Variants in CYP4Z1 observed in about 807,000 individuals in gnomAD.
CYP4Z1 encodes cytochrome P450 family 4 subfamily Z member 1, also known as cytochrome P450 4Z1.
In CYP4Z1, 41 loss-of-function variants were observed where a neutral mutation model predicts 54.2. The observed-to-expected ratio is 0.76, with a 90% CI of 0.59 to 0.98. CYP4Z1 has a LOEUF of 0.98. Among genes scored for constraint, CYP4Z1 ranks in the 50% least tolerant of loss-of-function variants. CYP4Z1 has a pLI of 0.00. For missense variants in CYP4Z1, 513 were observed against 599.0 expected, an observed-to-expected ratio of 0.86 and a Z score of 1.50; for synonymous variants, 163 against 206.2, an observed-to-expected ratio of 0.79 and a Z score of 1.79.
chr1:47,116,285 GATA>G (rs1644829662), intron 10 of CYP4Z1, among the ~76,000 whole-genome samples: 1 of 152,200 alleles, frequency 6.6e-6, no homozygotes, highest in Non-Finnish European at 1.5e-5. Flanking sequence ...AAATAGAAAA[GATA>G]ATAATTTGAT....
Position 47,067,431 on chromosome 1 carries a change from C to A in CYP4Z1, c.-60C>A. On this transcript the variant is annotated 5_prime_UTR_variant, in exon 1 of 12. Transcript: ENST00000334194. Reference sequence around the variant, plus strand: ...GCATCTCCTTTGTGTTTATGAGAGACCTGCATTCTCCCTGGCTCAGTTCTC... The same window carrying A: ...GCATCTCCTTTGTGTTTATGAGAGAACTGCATTCTCCCTGGCTCAGTTCTC... 7.0e-7 allele frequency: 1 copy of A among 1,431,814 alleles called. No homozygotes were observed. Among genetic ancestry groups the A allele is most frequent in the Non-Finnish European group, 9.3e-7 (1 of 1,074,586 alleles). 88.7% of individuals were successfully genotyped at this position (1,431,814 alleles called of 1,614,324 possible).
chr1:47,059,503 G>T, the CYP4Z1 span, among the ~76,000 whole-genome samples: 1 of 152,140 alleles, frequency 6.6e-6, no homozygotes, highest in African/African-American at 2.4e-5. Context: ...TTCATTTCCA[G>T]TTGGACCCAT....
intron 2 of CYP4Z1, among the ~76,000 whole-genome samples, chr1:47,074,307 CCT>C (rs1644503548): frequency 6.7e-6 from 1 of 148,778 alleles, no homozygotes; most frequent in African/African-American, 2.5e-5. Flanking sequence ...CCCTTTCCTT[CCT>C]CCCCCACCCC....
At chr1:47,093,778 G>A (rs1644656738) in intron 6 of CYP4Z1, among the ~76,000 whole-genome samples, 1 of 152,198 alleles carries the variant, frequency 6.6e-6, no homozygotes, top group Admixed American at 6.5e-5. Context: ...GTAGCTTAGA[G>A]CCTAGTTTCC....
chr1:47,068,137 C>T (rs1172752254), intron 1 of CYP4Z1, among the ~76,000 whole-genome samples: 1 of 152,168 alleles, frequency 6.6e-6, no homozygotes, highest in Non-Finnish European at 1.5e-5. Flanking sequence ...TGTGAGACTT[C>T]GCTGCTTTGG....
At chr1:47,057,335 A>AAAAAATATATATATAT in the CYP4Z1 span, among the ~76,000 whole-genome samples, 4 of 28,486 alleles carry the variant, frequency 1.4e-4, no homozygotes, top group South Asian at 1.1e-3. Flanking sequence ...AAGAAAAAAA[A>AAAAAATATATATATAT]ATATATATAT....
chr1:47,099,195 CCTTTACTG>C lies in CYP4Z1; in HGVS notation c.982_989del (p.Tyr328GlyfsTer5). 6.2e-7 allele frequency: 1 copy of C among 1,614,020 alleles called. No individual in the cohort carries two copies. The highest frequency in any genetic ancestry group is 8.5e-7 in the Non-Finnish European group (1 of 1,179,986). On this transcript the variant is annotated frameshift_variant, in exon 8 of 12. Coordinates refer to ENST00000334194, the MANE Select transcript of CYP4Z1 (RefSeq NM_178134.3). LOFTEE classifies it high-confidence loss of function. ...CCACATCCAGTGCTATCTCCTGGAT[CCTTTACTG>C]CTTGGCAAAGTACCCTGAGCATCAG...
chr1:47,084,642 C>T lies in CYP4Z1; in HGVS notation c.515C>T (p.Ala172Val), dbSNP rs768243149. 2 of 1,605,510 alleles carry T rather than the reference C, an allele frequency of 1.2e-6. No homozygotes were observed. The highest frequency in any genetic ancestry group is 1.7e-6 in the Non-Finnish European group (2 of 1,176,660). ...MMLNKWEEHI[A>V]QNSRLELFQH... The stretch of plus-strand genomic sequence containing the variant: ...CAGAACAAATGGGAGGAACACATTG[C>T]CCAAAACTCACGTCTGGAGCTCTTT... Residue 172 changes from alanine to valine, a missense_variant, in exon 5 of 12, where the codon GCC (alanine) becomes GTC (valine). Ala to Val is a moderately conservative substitution (Grantham distance 64). Coordinates refer to ENST00000334194, the MANE Select transcript of CYP4Z1 (RefSeq NM_178134.3).
chr1:47,086,190 A>C (rs187775152), intron 6 of CYP4Z1, among the ~76,000 whole-genome samples: 780 of 151,476 alleles, frequency 5.1e-3, no homozygotes, highest in Middle Eastern at 0.024. Context: ...ATGATTTATA[A>C]TCCTTTGGGT....
chr1:47,062,978 G>A (rs1054202180), upstream of CYP4Z1, among the ~76,000 whole-genome samples: 2 of 152,110 alleles, frequency 1.3e-5, no homozygotes, highest in African/African-American at 4.8e-5. Flanking sequence ...CCCTCACAGA[G>A]TCCACCTCAC....
At chr1:47,097,611 T>A (rs564607848) in intron 7 of CYP4Z1, among the ~76,000 whole-genome samples, 6 of 152,174 alleles carry the variant, frequency 3.9e-5, no homozygotes, top group Non-Finnish European at 8.8e-5. Flanking sequence ...GAAGATCAGA[T>A]GATTGTAGGT....
chr1:47,112,682 G>A (rs1644802049), intron 9 of CYP4Z1, among the ~76,000 whole-genome samples: 2 of 151,600 alleles, frequency 1.3e-5, no homozygotes, highest in South Asian at 4.2e-4. Context: ...CACTTTGTGA[G>A]GTCAAGGTGG....
Position 47,067,501 on chromosome 1 carries a change from C to G in CYP4Z1, c.11C>G (p.Ser4Cys), listed in dbSNP as rs763125700. 7.5e-5 allele frequency: 120 copies of G among 1,609,078 alleles called. No homozygotes were observed. The highest frequency in any genetic ancestry group is 9.9e-5 in the Non-Finnish European group (117 of 1,177,282). ...GGACCTCTGAGAAGAATGGAGCCCT[C>G]CTGGCTTCAGGAACTCATGGCTCAC... is the stretch of plus-strand genomic sequence containing the variant. The part of the protein sequence containing the change: MEP[S>C]WLQELMAHPF... Residue 4 changes from serine to cysteine, a missense_variant, in exon 1 of 12, where the codon TCC (serine) becomes TGC (cysteine). By Grantham distance (112) the Ser-to-Cys change is moderately radical. Transcript: ENST00000334194.
intron 4 of CYP4Z1, among the ~76,000 whole-genome samples, chr1:47,083,696 G>A (rs1214895883): frequency 6.6e-6 from 1 of 152,170 alleles, no homozygotes; most frequent in African/African-American, 2.4e-5. Context: ...GCTTCCTTGA[G>A]TTGGAAGAGC....
chr1:47,090,179 C>T (rs1644629183), intron 6 of CYP4Z1, among the ~76,000 whole-genome samples: 1 of 152,188 alleles, frequency 6.6e-6, no homozygotes, highest in African/African-American at 2.4e-5. Context: ...ATATTATGAA[C>T]CTTCAGTAAA....
intron 9 of CYP4Z1, among the ~76,000 whole-genome samples, chr1:47,115,255 A>T (rs1466801964): frequency 2.0e-5 from 3 of 152,060 alleles, no homozygotes; most frequent in South Asian, 4.2e-4. Context: ...GTGAGAACAC[A>T]TTGACACAGG....
Position 47,117,795 on chromosome 1 carries a change from T to C in CYP4Z1, c.1379T>C (p.Ile460Thr). The change falls in exon 12 of 12, where the codon ATT (isoleucine) becomes ACT (threonine). Residue 460 changes from isoleucine (I) to threonine (T), a missense_variant. Physicochemically the swap from Ile to Thr is moderately conservative, Grantham distance 89. Transcript: ENST00000334194. ...RNCIGQHFAI[I>T]ECKVAVALTL... is the part of the protein sequence containing the mutation. ...TGCATTGGGCAGCATTTTGCCATAA[T>C]TGAGTGTAAAGTGGCAGTGGCATTA... 6.2e-7 allele frequency: 1 copy of C among 1,613,628 alleles called. No individual in the cohort carries two copies. The highest frequency in any genetic ancestry group is 1.1e-5 in the South Asian group (1 of 91,014).
intron 10 of CYP4Z1, among the ~76,000 whole-genome samples, chr1:47,115,821 T>C (rs1396733417): frequency 6.6e-6 from 1 of 152,174 alleles, no homozygotes; most frequent in Non-Finnish European, 1.5e-5. Flanking sequence ...CCCTGGGAAG[T>C]AGAGGGGTGT....
the CYP4Z1 span, among the ~76,000 whole-genome samples, chr1:47,057,233 T>C: frequency 6.9e-3 from 1,032 of 150,060 alleles, 8 homozygotes; most frequent in African/African-American, 0.023. Context: ...TCTTTAAGAA[T>C]GTTGAATATT....
Sources: gnomAD v4.1 joint callset for allele counts (sites outside exome capture counted in the v4.1 genomes callset) on GRCh38, gnomAD v4.1.1 for gene constraint, MANE v1.5 for transcripts, NCBI Gene and HGNC (gene_info 2026-07-23, HGNC 2026-07-21) for gene names.